Variants in PRKG1 observed in about 807,000 individuals in gnomAD.
PRKG1 encodes the protein cGMP-dependent protein kinase 1.
In PRKG1, 35 loss-of-function variants were observed where a neutral mutation model predicts 88.1. The ratio of observed to expected loss-of-function variants is 0.40; its 90% CI spans 0.30 to 0.53. PRKG1 has a LOEUF of 0.53. Ranked by LOEUF, PRKG1 falls within the 20% of genes least tolerant of loss-of-function variation. The pLI, the probability that PRKG1 is intolerant of heterozygous loss-of-function variation, is 0.59. For missense variants in PRKG1, 540 were observed against 839.8 expected (o/e 0.64, Z 4.41); for synonymous variants, 303 against 292.5 (o/e 1.04, Z -0.37).
At chr10:52,268,694 A>G (rs1364473018) in intron 10 of PRKG1, among the ~76,000 whole-genome samples, 1 of 152,080 alleles carries the variant, frequency 6.6e-6, no homozygotes, top group Non-Finnish European at 1.5e-5. Flanking sequence ...GGGCCAAAAA[A>G]AAACCTGAAC....
intron 5 of PRKG1, among the ~76,000 whole-genome samples, chr10:51,921,823 G>A (rs945741481): frequency 6.6e-6 from 1 of 151,950 alleles, no homozygotes; most frequent in Non-Finnish European, 1.5e-5. Flanking sequence ...ATAATACTCT[G>A]ATGAAGATTT....
At position 51,171,901 on chromosome 10, in the gene PRKG1, G is replaced by A. The variant is rs561836552; in HGVS notation, c.478+18571G>A. On this transcript the variant is annotated intron_variant, in intron 2 of 17. Coordinates refer to ENST00000373980, the MANE Select transcript of PRKG1 (RefSeq NM_006258.4). ...AACAGAAATTGTTTTATACTTGATAGTGTGTTTCCTCCTGTGTACTTCTGA... is the reference window on the plus strand; with the variant it reads ...AACAGAAATTGTTTTATACTTGATAATGTGTTTCCTCCTGTGTACTTCTGA... Among the ~76,000 whole-genome samples the A allele has an allele frequency of 1.2e-4, 19 of 152,104 alleles. No homozygotes were observed. In the South Asian group the frequency reaches 2.7e-3, roughly 22 times the overall value.
chr10:51,921,538 C>T (rs1842463603), intron 5 of PRKG1, among the ~76,000 whole-genome samples: 1 of 151,984 alleles, frequency 6.6e-6, no homozygotes, highest in South Asian at 2.1e-4. Flanking sequence ...GTATGTTAGC[C>T]GTAGGCTCTT....
chr10:51,973,371 C>T (rs931821100), intron 5 of PRKG1, among the ~76,000 whole-genome samples: 1 of 152,154 alleles, frequency 6.6e-6, no homozygotes, highest in Non-Finnish European at 1.5e-5. Flanking sequence ...GTAAAAGTAG[C>T]ACCATCCTCC....
chr10:51,636,934 G>A (rs1360505835), intron 3 of PRKG1, among the ~76,000 whole-genome samples: 1 of 152,170 alleles, frequency 6.6e-6, no homozygotes, highest in African/African-American at 2.4e-5. Context: ...AGAGAATAAG[G>A]CACCCATTAC....
intron 5 of PRKG1, 55 bp downstream of exon 5, chr10:51,907,625 G>C (rs1842114688): frequency 6.7e-7 from 1 of 1,491,542 alleles, no homozygotes; most frequent in African/African-American, 1.4e-5. Context: ...TGCTTGGCTG[G>C]CTTCTTTCAC....
intron 1 of PRKG1, among the ~76,000 whole-genome samples, chr10:51,016,678 T>TTTTTC (rs1564571464): frequency 9.7e-6 from 1 of 103,066 alleles, no homozygotes; most frequent in African/African-American, 4.1e-5. Flanking sequence ...CCTTTCTTTT[T>TTTTTC]TTTTTTTTTT....
chr10:51,691,554 G>A lies in PRKG1; in HGVS notation c.593-113031G>A, dbSNP rs11818021. Among the ~76,000 whole-genome samples, 1,174 of 152,232 alleles carry A rather than the reference G, an allele frequency of 7.7e-3. 9 individuals carry two copies. Among genetic ancestry groups the A allele is most frequent in the African/African-American group, 0.026 (1,082 of 41,564 alleles). ...TGGTCTCAAACTCCTGGACACAAGCGATCCTCCAGCCTTGGGCTCCCAAAC... is the reference window on the plus strand; with the variant it reads ...TGGTCTCAAACTCCTGGACACAAGCAATCCTCCAGCCTTGGGCTCCCAAAC... On this transcript the variant is annotated intron_variant, in intron 3 of 17. Coordinates refer to ENST00000373980, the MANE Select transcript of PRKG1 (RefSeq NM_006258.4).
chr10:51,756,444 G>A (rs538611774), intron 3 of PRKG1, among the ~76,000 whole-genome samples: 64 of 148,218 alleles, frequency 4.3e-4, no homozygotes, highest in Admixed American at 1.4e-3. Context: ...ACGAGGTTGT[G>A]CCACTGCACT....
At chr10:51,420,620 A>G (rs1838383022) in intron 2 of PRKG1, among the ~76,000 whole-genome samples, 1 of 152,206 alleles carries the variant, frequency 6.6e-6, no homozygotes. Flanking sequence ...TTGGCTGACA[A>G]AGGTTTCACA....
rs1024222393 is a variant in PRKG1 at position 51,127,723 on chromosome 10, G to T, written c.312-25441G>T. Among the ~76,000 whole-genome samples, 3 of 152,116 alleles carry T rather than the reference G, an allele frequency of 2.0e-5. No individual in the cohort carries two copies. The East Asian group carries it at 5.8e-4, about 29-fold the overall frequency. Reference sequence around the variant, plus strand: ...GGAACTAACCCAAATGCCCACCAAGGATAGACTGGATAAAGAAAATGTGGT... The same window carrying T: ...GGAACTAACCCAAATGCCCACCAAGTATAGACTGGATAAAGAAAATGTGGT... On this transcript the variant is annotated intron_variant, in intron 1 of 17. Coordinates refer to ENST00000373980, the MANE Select transcript of PRKG1 (RefSeq NM_006258.4).
At chr10:52,241,366 T>A (rs1277405291) in intron 9 of PRKG1, among the ~76,000 whole-genome samples, 1 of 152,180 alleles carries the variant, frequency 6.6e-6, no homozygotes, top group Non-Finnish European at 1.5e-5. Flanking sequence ...ATAATAGAAC[T>A]GTCAAGCTGT....
In PRKG1 at chr10:51,592,112, T is replaced by A. The variant is rs567016143; in HGVS notation, c.592+124276T>A. Among the ~76,000 whole-genome samples the A allele has an allele frequency of 5.9e-5, 9 of 152,276 alleles. No homozygotes were observed. In the South Asian group the frequency reaches 1.7e-3, roughly 28 times the overall value. ...TAGCTGCACGCTCTGGGGAAAGAAC[T>A]CAAACTGGGAAAATTGAATAGATAC... On this transcript the variant is annotated intron_variant, in intron 3 of 17. Transcript: ENST00000373980.
At chr10:52,283,266 TA>T (rs1031914855) in intron 14 of PRKG1, among the ~76,000 whole-genome samples, 5 of 151,916 alleles carry the variant, frequency 3.3e-5, no homozygotes, top group African/African-American at 1.2e-4. Flanking sequence ...ATTGTTGCAG[TA>T]ATTTAGTTCT....
intron 4 of PRKG1, among the ~76,000 whole-genome samples, chr10:51,814,965 G>C (rs979919565): frequency 6.6e-6 from 1 of 152,044 alleles, no homozygotes; most frequent in Non-Finnish European, 1.5e-5. Context: ...AGTCAGTAAT[G>C]AATCTCACAC....
At chr10:51,290,090 A>G (rs1315897943) in intron 2 of PRKG1, among the ~76,000 whole-genome samples, 1 of 152,124 alleles carries the variant, frequency 6.6e-6, no homozygotes, top group Non-Finnish European at 1.5e-5. Flanking sequence ...CATCATTATC[A>G]ACTTTGAGGA....
At chr10:51,570,049 GTA>G (rs10617123) in intron 3 of PRKG1, among the ~76,000 whole-genome samples, 52,300 of 128,850 alleles carry the variant, frequency 0.41, 11,252 homozygotes, top group Middle Eastern at 0.45. Context: ...ACCCAAACTA[GTA>G]TATATATATA....
intron 3 of PRKG1, among the ~76,000 whole-genome samples, chr10:51,634,719 G>C (rs1839612542): frequency 6.6e-6 from 1 of 152,018 alleles, no homozygotes; most frequent in Non-Finnish European, 1.5e-5. Context: ...GAGGCTATCA[G>C]AATACCTGGT....
At position 51,726,715 on chromosome 10, in the gene PRKG1, T is replaced by C. The variant is rs552459482; in HGVS notation, c.593-77870T>C. Reference sequence around the variant, plus strand: ...GTTAACGTAACTGGGTATATATACTTGCAAATATATTTGTTATTAATGCCT... The same window carrying C: ...GTTAACGTAACTGGGTATATATACTCGCAAATATATTTGTTATTAATGCCT... On this transcript the variant is annotated intron_variant, in intron 3 of 17. Transcript: ENST00000373980. Among the ~76,000 whole-genome samples, 4 of 152,366 alleles carry C rather than the reference T, an allele frequency of 2.6e-5. No homozygotes were observed. The South Asian group carries it at 8.3e-4, about 32-fold the overall frequency.
Sources: gnomAD v4.1 joint callset for allele counts (sites outside exome capture counted in the v4.1 genomes callset) on GRCh38, gnomAD v4.1.1 for gene constraint, MANE v1.5 for transcripts, NCBI Gene and HGNC (gene_info 2026-07-23, HGNC 2026-07-21) for gene names.